The following TSTD2 variants were observed in gnomAD, a reference collection of about 807,000 sequenced individuals.
TSTD2 encodes the protein thiosulfate sulfurtransferase like domain containing 2, also known as thiosulfate sulfurtransferase/rhodanese-like domain-containing protein 2.
A neutral mutation model predicts 47.9 loss-of-function variants in TSTD2; 37 were observed. The ratio of observed to expected loss-of-function variants is 0.77; its 90% CI spans 0.59 to 1.02. TSTD2 has a LOEUF of 1.02. TSTD2 is among the 50% of genes least tolerant of loss of function. The pLI, the probability that TSTD2 is intolerant of heterozygous loss-of-function variation, is 0.00. For missense variants in TSTD2, 586 were observed against 616.0 expected (o/e 0.95, Z 0.52); for synonymous variants, 201 against 215.9 (o/e 0.93, Z 0.61).
At chr9:97,607,434 A>G (rs1440673296) in intron 6 of TSTD2, among the ~76,000 whole-genome samples, 2 of 152,132 alleles carry the variant, frequency 1.3e-5, no homozygotes, top group South Asian at 2.1e-4. Context: ...CCAACAACCA[A>G]TGAAACTACT....
At position 97,602,524 on chromosome 9, in the gene TSTD2, G is replaced by C; in HGVS notation, c.1496C>G (p.Pro499Arg). The C allele has an allele frequency of 6.2e-7, 1 of 1,614,082 alleles. No individual in the cohort carries two copies. Among genetic ancestry groups the C allele is most frequent in the Non-Finnish European group, 8.5e-7 (1 of 1,179,938 alleles). The change falls in exon 10 of 10, where the codon CCT becomes CGT. Residue 499 changes from proline (P) to arginine (R), a missense_variant. Coordinates refer to ENST00000341170, the MANE Select transcript of TSTD2 (RefSeq NM_139246.5). ...ATCAGGCCCTGGCTCTGGGCTCACA[G>C]GCTGTCGCACATGCTGCAAGAGTTC... Reference protein sequence around the residue: ...PRELLQHVRQPVSPEPGPDAD... With the variant: ...PRELLQHVRQRVSPEPGPDAD...
intron 8 of TSTD2, 72 bp downstream of exon 8, chr9:97,605,411 G>C: frequency 6.3e-7 from 1 of 1,586,760 alleles, no homozygotes; most frequent in South Asian, 1.1e-5. Context: ...GCAGCGGACA[G>C]CTCCACGTAA....
chr9:97,608,947 G>C (rs1283180863), intron 6 of TSTD2, among the ~76,000 whole-genome samples: 6 of 151,930 alleles, frequency 3.9e-5, no homozygotes, highest in Admixed American at 2.0e-4. Context: ...TGTGCTTCCT[G>C]ATCAAAGAAG....
rs1826348768 is a variant in TSTD2, at chr9:97,605,464, C to A, written c.1113+19G>T. On this transcript the variant is annotated intron_variant, in intron 8 of 9. Transcript: ENST00000341170. ...CTCCTTCACTGCCATGCCCACAGTG[C>A]CCCGGGGTGGTGGCTCACCTTGGCT... 1 of 1,612,436 alleles carries A rather than the reference C, an allele frequency of 6.2e-7. No homozygotes were observed. Among genetic ancestry groups the A allele is most frequent in the Non-Finnish European group, 8.5e-7 (1 of 1,179,644 alleles).
chr9:97,626,633 T>C (rs1826726326), intron 2 of TSTD2, among the ~76,000 whole-genome samples: 1 of 152,206 alleles, frequency 6.6e-6, no homozygotes, highest in East Asian at 1.9e-4. Context: ...AACATTTAGA[T>C]TGTTTCTAAT....
rs766917432 is a variant in TSTD2, at chr9:97,602,686, G to A, written c.1334C>T (p.Pro445Leu). 3 of 1,614,118 alleles carry A rather than the reference G, an allele frequency of 1.9e-6. No individual in the cohort carries two copies. Among genetic ancestry groups the A allele is most frequent in the Non-Finnish European group, 2.5e-6 (3 of 1,180,054 alleles). Residue 445 changes from proline to leucine, a missense_variant, in exon 10 of 10, where the codon CCT becomes CTT. Physicochemically the swap from Pro to Leu is moderately conservative, Grantham distance 98 (BLOSUM62 -3). Transcript: ENST00000341170. ...TGTGAATCCTTGTCCTTGACAGGCA[G>A]GGCAGGTCAAAACGAGCTGGCGGCA... ...PQCRQLVLTC[P>L]ACQGQGFTAC...
intron 1 of TSTD2, 79 bp from the exon 2 acceptor site, chr9:97,627,691 A>T (rs1307201292): frequency 1.1e-6 from 1 of 948,454 alleles, no homozygotes; most frequent in Non-Finnish European, 1.5e-6. Flanking sequence ...CAATCACGCA[A>T]ATCAGCATGG....
At chr9:97,606,729 G>A (rs1010425359) in intron 6 of TSTD2, among the ~76,000 whole-genome samples, 4 of 152,158 alleles carry the variant, frequency 2.6e-5, no homozygotes, top group Non-Finnish European at 5.9e-5. Flanking sequence ...TATTAAGGTC[G>A]AACCCACGTT....
intron 2 of TSTD2, 81 bp downstream of exon 2, chr9:97,627,301 TTTACCTTGAGCTGGAG>T: frequency 6.8e-7 from 1 of 1,481,016 alleles, no homozygotes; most frequent in Non-Finnish European, 9.0e-7. Context: ...CTGACTAGAC[TTTACCTTGAGCTGGAG>T]AGCAACCTTG....
chr9:97,617,727 T>G, intron 4 of TSTD2, 30 bp downstream of exon 4: 2 of 1,589,382 alleles, frequency 1.3e-6, no homozygotes, highest in Non-Finnish European at 1.7e-6. Flanking sequence ...ATGGACCCAG[T>G]GAAGGAAGGA....
chr9:97,602,733 A>AT lies in TSTD2; in HGVS notation c.1286dup (p.Tyr429Ter). The AT allele has an allele frequency of 1.9e-6, 3 of 1,613,952 alleles. No individual in the cohort carries two copies. Among genetic ancestry groups the AT allele is most frequent in the Non-Finnish European group, 2.5e-6 (3 of 1,179,894 alleles). Residue 429 changes from tyrosine (Y) to a stop codon, truncating the protein, a stop_gained and frameshift_variant, in exon 10 of 10, where the codon TAT becomes TAAT. Coordinates refer to ENST00000341170, the MANE Select transcript of TSTD2 (RefSeq NM_139246.5). LOFTEE classifies it low-confidence loss of function (END_TRUNC). ...CSYCGARWDQ[Y>*]KLCSTPQCRQ... is the part of the protein sequence containing the mutation. ...GGCACTGGGGAGTAGAGCAGAGTTTATACTGGTCCCAGCGGGCTCCACAGT... is the reference window on the plus strand; with the variant it reads ...GGCACTGGGGAGTAGAGCAGAGTTTATTACTGGTCCCAGCGGGCTCCACAGT...
intron 5 of TSTD2, 84 bp from the exon 6 acceptor site, chr9:97,610,535 CTG>C (rs2131308561): frequency 9.7e-7 from 1 of 1,032,966 alleles, no homozygotes; most frequent in Non-Finnish European, 1.4e-6. Flanking sequence ...GAATGATGGT[CTG>C]TTTTGTAATA....
intron 6 of TSTD2, chr9:97,610,084 T>C (rs1197741163): frequency 3.5e-6 from 1 of 284,948 alleles, no homozygotes. Flanking sequence ...CCAAACTGCT[T>C]GCTGTCTTTG....
chr9:97,629,079 C>T (rs1328384968), intron 1 of TSTD2, among the ~76,000 whole-genome samples: 1 of 152,160 alleles, frequency 6.6e-6, no homozygotes, highest in Non-Finnish European at 1.5e-5. Context: ...CAGAGGTGGA[C>T]ACTGAAGGTT....
rs925946195 is a variant in TSTD2, at chr9:97,602,025, G to C, written c.*444C>G. ...GCTTGCAGATTCCCCTCAGGCGAGA[G>C]ACAGAGGTTAAGGGTAGATGGCAGA... On this transcript the variant is annotated 3_prime_UTR_variant, in exon 10 of 10. Transcript: ENST00000341170. The C allele has an allele frequency of 2.5e-5, 4 of 157,322 alleles. No homozygotes were observed. The highest frequency in any genetic ancestry group is 5.6e-5 in the Non-Finnish European group (4 of 71,810). The allele number at this position is 157,322 out of a possible 1,614,324, so 9.7% of individuals were successfully genotyped here.
At chr9:97,630,284 C>G (rs918889924) in intron 1 of TSTD2, among the ~76,000 whole-genome samples, 2 of 152,284 alleles carry the variant, frequency 1.3e-5, no homozygotes, top group South Asian at 4.1e-4. Flanking sequence ...CCAAAATGAT[C>G]TCCTCCGACT....
chr9:97,602,794 A>G, intron 9 of TSTD2, 27 bp from the exon 10 acceptor site: 1 of 1,580,120 alleles, frequency 6.3e-7, no homozygotes, highest in Non-Finnish European at 8.6e-7. Flanking sequence ...AGCCATCATT[A>G]TAAACACATA....
At chr9:97,614,516 C>T (rs1337092271) in intron 4 of TSTD2, among the ~76,000 whole-genome samples, 1 of 152,190 alleles carries the variant, frequency 6.6e-6, no homozygotes, top group East Asian at 1.9e-4. Context: ...GAAGATTATA[C>T]TTTCAGATAG....
In TSTD2 at chr9:97,601,398, T is replaced by G; in HGVS notation, c.*1071A>C. 6 of 1,040,852 alleles carry G rather than the reference T, an allele frequency of 5.8e-6. No individual in the cohort carries two copies. Among genetic ancestry groups the G allele is most frequent in the Non-Finnish European group, 7.0e-6 (6 of 861,648 alleles). 64.5% of individuals were successfully genotyped at this position (1,040,852 alleles called of 1,614,324 possible). On this transcript the variant is annotated 3_prime_UTR_variant, in exon 10 of 10. Transcript: ENST00000341170. ...ATTCCAGGTGCTGATCTAAAAACTG[T>G]GGCTCAAATGTCACCGAGCTTATAT...
Sources: gnomAD v4.1 joint callset for allele counts (sites outside exome capture counted in the v4.1 genomes callset) on GRCh38, gnomAD v4.1.1 for gene constraint, MANE v1.5 for transcripts, NCBI Gene and HGNC (gene_info 2026-07-23, HGNC 2026-07-21) for gene names.